Variants in TMC2 observed in about 807,000 individuals in gnomAD.
The protein encoded by TMC2 is transmembrane channel-like protein 2.
In TMC2, 102 loss-of-function variants were observed where a neutral mutation model predicts 105.9. That is an observed-to-expected ratio of 0.96 (90% CI 0.82 to 1.14). TMC2 has a LOEUF of 1.14. Ranked by LOEUF, TMC2 falls within the 50% of genes most tolerant of loss-of-function variation. TMC2 has a pLI of 0.00. For synonymous variants in TMC2, 402 were observed against 422.8 expected (o/e 0.95, Z 0.60); for missense variants, 1,093 against 1,134.3 (o/e 0.96, Z 0.52).
chr20:2,574,602 C>T (rs1252205488), intron 5 of TMC2, among the ~76,000 whole-genome samples: 1 of 152,094 alleles, frequency 6.6e-6, no homozygotes, highest in Non-Finnish European at 1.5e-5. Context: ...GAGACCATTT[C>T]AATAATTCAT....
rs980936408 is a variant in TMC2 at position 2,643,536 on chromosome 20, C to T, written c.*2185C>T. On this transcript the variant is annotated 3_prime_UTR_variant, in exon 20 of 20. Coordinates refer to ENST00000358864, the MANE Select transcript of TMC2 (RefSeq NM_080751.3). ...CTAATGCTGCATAACAAATTATTCC[C>T]AAAACATAACAGCCTAAAACAATAA... 6.6e-6 allele frequency among the ~76,000 whole-genome samples: 1 copy of T among 152,170 alleles called. No individual in the cohort carries two copies. Among genetic ancestry groups the T allele is most frequent in the Non-Finnish European group, 1.5e-5 (1 of 68,042 alleles).
chr20:2,639,181 C>T (rs984371759), intron 19 of TMC2, among the ~76,000 whole-genome samples: 4 of 152,188 alleles, frequency 2.6e-5, no homozygotes, highest in African/African-American at 9.7e-5. Context: ...AGGCCTGAGC[C>T]ACCGCGTCCG....
At chr20:2,631,706 T>C (rs913734196) in intron 17 of TMC2, among the ~76,000 whole-genome samples, 1 of 9,402 alleles carries the variant, frequency 1.1e-4, no homozygotes, top group South Asian at 5.0e-3. Context: ...ACTATGGCTG[T>C]TTTTTTTTTC....
chr20:2,547,570 A>G (rs1354613110), intron 2 of TMC2, among the ~76,000 whole-genome samples: 2 of 152,200 alleles, frequency 1.3e-5, no homozygotes, highest in Non-Finnish European at 2.9e-5. Flanking sequence ...AATAAGGTGA[A>G]AGAACAAGTC....
At chr20:2,600,749 G>C (rs374960332) in intron 10 of TMC2, among the ~76,000 whole-genome samples, 2 of 151,876 alleles carry the variant, frequency 1.3e-5, no homozygotes, top group African/African-American at 2.4e-5. Flanking sequence ...GCGTGAACCT[G>C]GGAGGCGGAG....
chr20:2,630,631 G>A (rs1186260699), intron 17 of TMC2, among the ~76,000 whole-genome samples: 3 of 152,102 alleles, frequency 2.0e-5, no homozygotes, highest in African/African-American at 7.2e-5. Context: ...ATATCAGCCT[G>A]GGCAACATGG....
intron 5 of TMC2, among the ~76,000 whole-genome samples, chr20:2,574,540 A>AT (rs2086129407): frequency 6.6e-6 from 1 of 152,192 alleles, no homozygotes; most frequent in South Asian, 2.1e-4. Flanking sequence ...ATACCTTGAA[A>AT]TTTTTTTCAA....
At position 2,537,929 on chromosome 20, in the gene TMC2, C is replaced by A. The variant is rs60376765; in HGVS notation, c.82+613C>A. On this transcript the variant is annotated intron_variant, in intron 2 of 19. Coordinates refer to ENST00000358864, the MANE Select transcript of TMC2 (RefSeq NM_080751.3). ...TATTATGGATGCGATGCTGTTTTCT[C>A]CCCCTTCACGTCCCAGGCAGGGCTG... is the stretch of plus-strand genomic sequence containing the variant. Among the ~76,000 whole-genome samples the A allele has an allele frequency of 7.2e-4, 110 of 152,260 alleles. 1 individual carries two copies. The highest frequency in any genetic ancestry group is 2.4e-3 in the African/African-American group (101 of 41,544).
intron 16 of TMC2, 98 bp downstream of exon 16, chr20:2,617,409 G>A (rs1400211343): frequency 2.0e-6 from 3 of 1,494,610 alleles, no homozygotes; most frequent in African/African-American, 2.8e-5. Flanking sequence ...ATGCCAGCCT[G>A]TAAAAGGCCA....
chr20:2,581,129 T>A (rs2086186318), intron 7 of TMC2, among the ~76,000 whole-genome samples: 1 of 152,112 alleles, frequency 6.6e-6, no homozygotes, highest in Non-Finnish European at 1.5e-5. Context: ...TCTGTGAGCA[T>A]ATTGGAGTCA....
intron 7 of TMC2, among the ~76,000 whole-genome samples, chr20:2,582,786 C>T (rs1169582073): frequency 6.6e-6 from 1 of 152,150 alleles, no homozygotes; most frequent in East Asian, 1.9e-4. Context: ...TTGAACGCAA[C>T]TTTAACGAAA....
chr20:2,637,306 T>C (rs994067392), intron 18 of TMC2, among the ~76,000 whole-genome samples, 168 bp from the exon 19 acceptor site: 2 of 149,646 alleles, frequency 1.3e-5, no homozygotes, highest in Non-Finnish European at 3.0e-5. Flanking sequence ...GAGAATCGCT[T>C]GAACCCAGGA....
At chr20:2,585,530 G>A (rs796569770) in intron 7 of TMC2, among the ~76,000 whole-genome samples, 38 of 152,238 alleles carry the variant, frequency 2.5e-4, no homozygotes, top group African/African-American at 7.7e-4. Context: ...CACAGCCTAC[G>A]GTCTAGGTTT....
intron 9 of TMC2, 146 bp from the exon 10 acceptor site, chr20:2,597,005 C>A: frequency 1.2e-6 from 1 of 814,444 alleles, no homozygotes; most frequent in South Asian, 1.9e-5. Context: ...TGTCTTGGCT[C>A]AAGTCCCTGC....
At chr20:2,598,920 G>C (rs1568519296) in intron 10 of TMC2, among the ~76,000 whole-genome samples, 2 of 152,136 alleles carry the variant, frequency 1.3e-5, no homozygotes, top group South Asian at 4.1e-4. Flanking sequence ...AAAGTTTCCT[G>C]TGTGTACATG....
At chr20:2,565,917 G>C (rs1260596354) in intron 4 of TMC2, among the ~76,000 whole-genome samples, 1 of 152,182 alleles carries the variant, frequency 6.6e-6, no homozygotes, top group Non-Finnish European at 1.5e-5. Flanking sequence ...GTGTGTGCCT[G>C]TAATCCCAGC....
At chr20:2,575,866 T>C (rs2086140842) in intron 5 of TMC2, among the ~76,000 whole-genome samples, 1 of 152,232 alleles carries the variant, frequency 6.6e-6, no homozygotes, top group Non-Finnish European at 1.5e-5. Flanking sequence ...TAATGTTTTT[T>C]TCATTCAATT....
intron 1 of TMC2, 130 bp downstream of exon 1, chr20:2,536,785 GT>G (rs1201566998): frequency 7.1e-6 from 7 of 989,946 alleles, no homozygotes; most frequent in African/African-American, 1.6e-5. Flanking sequence ...CCTGTCCCCT[GT>G]GCGCTGAGCG....
chr20:2,626,326 C>A (rs2086564084), intron 17 of TMC2, among the ~76,000 whole-genome samples: 1 of 152,208 alleles, frequency 6.6e-6, no homozygotes, highest in African/African-American at 2.4e-5. Flanking sequence ...GGCTGGAGGG[C>A]CCACTTTCAA....
Sources: gnomAD v4.1 joint callset for allele counts (sites outside exome capture counted in the v4.1 genomes callset) on GRCh38, gnomAD v4.1.1 for gene constraint, MANE v1.5 for transcripts, NCBI Gene and HGNC (gene_info 2026-07-23, HGNC 2026-07-21) for gene names.